NCAM1: variants seen among roughly 807,000 people sequenced by gnomAD.
NCAM1 encodes antigen recognized by monoclonal antibody 5.1H11.
In NCAM1, 14 loss-of-function variants were observed where a neutral mutation model predicts 109.8. The ratio of observed to expected loss-of-function variants is 0.13; its 90% CI spans 0.08 to 0.20. NCAM1 has a LOEUF of 0.20. Ranked by LOEUF, NCAM1 falls within the 10% of genes least tolerant of loss-of-function variation. The pLI is 1.00. For synonymous variants in NCAM1, 418 were observed against 442.9 expected (o/e 0.94, Z 0.70); for missense variants, 774 against 1,109.9 (o/e 0.70, Z 4.30).
At chr11:113,137,097 G>C (rs910587671) in intron 1 of NCAM1, among the ~76,000 whole-genome samples, 5 of 152,228 alleles carry the variant, frequency 3.3e-5, no homozygotes, top group African/African-American at 1.2e-4. Flanking sequence ...GCTTAAAGTA[G>C]TCCTAAAGCA....
chr11:112,964,826 A>G (rs1249886514), intron 1 of NCAM1, among the ~76,000 whole-genome samples: 1 of 152,222 alleles, frequency 6.6e-6, no homozygotes, highest in Non-Finnish European at 1.5e-5. Context: ...AATAACTGAT[A>G]ATTTGTTTTA....
At chr11:113,086,325 T>G (rs1483341629) in intron 1 of NCAM1, among the ~76,000 whole-genome samples, 1 of 152,246 alleles carries the variant, frequency 6.6e-6, no homozygotes, top group Non-Finnish European at 1.5e-5. Context: ...GGGAATGCTT[T>G]TGGTGAACAT....
intron 19 of NCAM1, 85 bp from the exon 20 acceptor site, chr11:113,275,182 C>G (rs1257192066): frequency 1.9e-6 from 3 of 1,552,006 alleles, no homozygotes; most frequent in Non-Finnish European, 1.7e-6. Flanking sequence ...CCCTCCTCCT[C>G]CCTGCTGTCC....
At chr11:112,975,493 A>G (rs1216782361) in intron 1 of NCAM1, among the ~76,000 whole-genome samples, 1 of 152,036 alleles carries the variant, frequency 6.6e-6, no homozygotes, top group Non-Finnish European at 1.5e-5. Context: ...GACACAAAAG[A>G]CAATCTTGAA....
At chr11:113,089,476 T>G (rs1055111186) in intron 1 of NCAM1, among the ~76,000 whole-genome samples, 6 of 152,148 alleles carry the variant, frequency 3.9e-5, no homozygotes, top group African/African-American at 1.4e-4. Context: ...GAATTTTCTT[T>G]TCTTTATCGA....
At chr11:113,251,156 A>G (rs571919789) in intron 15 of NCAM1, among the ~76,000 whole-genome samples, 6 of 152,330 alleles carry the variant, frequency 3.9e-5, no homozygotes, top group African/African-American at 1.2e-4. Context: ...TTCATTCAGA[A>G]GACACAGCTA....
At chr11:113,255,246 T>TA (rs2137572348) in intron 15 of NCAM1, among the ~76,000 whole-genome samples, 1 of 152,298 alleles carries the variant, frequency 6.6e-6, no homozygotes, top group East Asian at 1.9e-4. Context: ...TAAGGATACT[T>TA]ACAAAAAACT....
chr11:113,063,283 A>G (rs1555083712), intron 1 of NCAM1, among the ~76,000 whole-genome samples: 7 of 152,214 alleles, frequency 4.6e-5, no homozygotes, highest in Admixed American at 3.9e-4. Flanking sequence ...ATTCATAGCC[A>G]TATGGGGTAC....
chr11:113,041,231 C>T (rs1293222103), intron 1 of NCAM1: 6 of 152,070 alleles, frequency 3.9e-5, no homozygotes, highest in Admixed American at 6.5e-5. Context: ...ATTCTCAAAT[C>T]GGATATAAGA....
intron 1 of NCAM1, among the ~76,000 whole-genome samples, chr11:113,144,162 G>C (rs1555100964): frequency 3.3e-5 from 5 of 152,154 alleles, no homozygotes; most frequent in Non-Finnish European, 1.5e-5. Flanking sequence ...GTAAATAATA[G>C]ACTTGGATGG....
chr11:113,172,843 T>C (rs1012474549), intron 1 of NCAM1, among the ~76,000 whole-genome samples: 2 of 152,194 alleles, frequency 1.3e-5, no homozygotes, highest in Non-Finnish European at 2.9e-5. Context: ...CTGACTGTTA[T>C]AAAAAGGAAA....
chr11:113,193,959 G>A (rs558764986), intron 1 of NCAM1, among the ~76,000 whole-genome samples: 9 of 152,194 alleles, frequency 5.9e-5, no homozygotes, highest in South Asian at 2.1e-4. Flanking sequence ...AAACTAAATC[G>A]GACCTAATGA....
chr11:113,222,686 T>C (rs550631081), intron 9 of NCAM1, among the ~76,000 whole-genome samples: 82 of 152,282 alleles, frequency 5.4e-4, no homozygotes, highest in African/African-American at 1.9e-3. Flanking sequence ...TCATACAACT[T>C]TCCTTGTCAT....
chr11:113,270,520 C>G, intron 18 of NCAM1, 125 bp downstream of exon 18: 2 of 871,232 alleles, frequency 2.3e-6, no homozygotes, highest in East Asian at 2.6e-5. Flanking sequence ...CCATTTGGAA[C>G]CCTGATGGGG....
At chr11:113,138,085 A>G (rs1941671000) in intron 1 of NCAM1, among the ~76,000 whole-genome samples, 1 of 152,170 alleles carries the variant, frequency 6.6e-6, no homozygotes, top group South Asian at 2.1e-4. Context: ...TGTATGGGTG[A>G]TTACAGCAGA....
At chr11:113,236,397 C>CTT (rs1945169010) in intron 14 of NCAM1, 16 of 1,473,358 alleles carry the variant, frequency 1.1e-5, no homozygotes, top group Non-Finnish European at 1.4e-5. Context: ...GTTCTGGTCC[C>CTT]TTTTTTGTCC....
chr11:113,111,545 T>C (rs1245675464), intron 1 of NCAM1, among the ~76,000 whole-genome samples: 14 of 152,224 alleles, frequency 9.2e-5, no homozygotes, highest in African/African-American at 3.4e-4. Context: ...ACACAGGAAC[T>C]GTTTTAGAGT....
intron 1 of NCAM1, among the ~76,000 whole-genome samples, chr11:113,132,703 G>A (rs922409216): frequency 2.6e-5 from 4 of 151,320 alleles, no homozygotes; most frequent in African/African-American, 9.7e-5. Context: ...TTTAGGAACC[G>A]CTGGGGAACA....
chr11:113,091,274 C>T (rs1290872914), intron 1 of NCAM1, among the ~76,000 whole-genome samples: 3 of 151,862 alleles, frequency 2.0e-5, no homozygotes, highest in African/African-American at 7.2e-5. Context: ...TCATACCCTG[C>T]TGCCTCCCAG....
Sources: allele counts gnomAD v4.1 joint callset (sites outside exome capture counted in the v4.1 genomes callset), GRCh38; gene constraint gnomAD v4.1.1; transcripts MANE v1.5; gene names NCBI Gene and HGNC (gene_info 2026-07-23, HGNC 2026-07-21).